Variants in FARS2 observed in about 807,000 individuals in gnomAD.
The protein encoded by FARS2 is phenylalanine--tRNA ligase, mitochondrial.
In FARS2, 40 loss-of-function variants were observed where a neutral mutation model predicts 46.4. That is an observed-to-expected ratio of 0.86 (90% confidence interval 0.67 to 1.12). FARS2 has a LOEUF of 1.12. Ranked by LOEUF, FARS2 falls within the 50% of genes most tolerant of loss-of-function variation. The probability of loss-of-function intolerance (pLI) is 0.00; values close to 1 mark genes in which losing one functional copy is unlikely to be tolerated. For missense variants in FARS2, 513 were observed against 567.9 expected (o/e 0.90, Z 0.98); for synonymous variants, 234 against 214.9 (o/e 1.09, Z -0.78).
At chr6:5,567,651 C>T (rs906013128) in intron 5 of FARS2, among the ~76,000 whole-genome samples, 1 of 152,170 alleles carries the variant, frequency 6.6e-6, no homozygotes, top group Non-Finnish European at 1.5e-5. Flanking sequence ...AAGGTTCAGA[C>T]AATAGATGGA....
At chr6:5,425,391 G>A (rs755649666) in intron 3 of FARS2, among the ~76,000 whole-genome samples, 12 of 152,176 alleles carry the variant, frequency 7.9e-5, no homozygotes, top group Non-Finnish European at 1.5e-4. Flanking sequence ...GGAACGTGAT[G>A]TTTATTCAGA....
At chr6:5,706,315 G>A (rs914510725) in intron 6 of FARS2, among the ~76,000 whole-genome samples, 5 of 152,152 alleles carry the variant, frequency 3.3e-5, no homozygotes, top group African/African-American at 9.7e-5. Flanking sequence ...TCCACAGCCC[G>A]GGGGTGGGGG....
chr6:5,542,138 AC>A (rs1433673055), intron 4 of FARS2, among the ~76,000 whole-genome samples: 1 of 151,958 alleles, frequency 6.6e-6, no homozygotes, highest in East Asian at 1.9e-4. Context: ...GGTTTTTGTG[AC>A]CTGTATCTTG....
chr6:5,598,764 A>G (rs76387204), intron 5 of FARS2, among the ~76,000 whole-genome samples: 4,401 of 152,232 alleles, frequency 0.029, 119 homozygotes, highest in East Asian at 0.13. Context: ...AGACCAGGAC[A>G]TGGGGGTAGG....
At chr6:5,402,281 A>G (rs546089999) in intron 2 of FARS2, among the ~76,000 whole-genome samples, 32 of 144,414 alleles carry the variant, frequency 2.2e-4, no homozygotes, top group African/African-American at 7.5e-4. Flanking sequence ...TTTTGTTCTT[A>G]ATTTTTGAGT....
At chr6:5,503,202 AT>A (rs1254169927) in intron 4 of FARS2, among the ~76,000 whole-genome samples, 3 of 151,202 alleles carry the variant, frequency 2.0e-5, no homozygotes, top group African/African-American at 7.2e-5. Flanking sequence ...ATATAAAAAT[AT>A]TTTAAGAAAA....
In FARS2 at chr6:5,266,237, G is replaced by A. The variant is rs180846129; in HGVS notation, c.-22+4577G>A. ...GGCCAGAGCTGTAGAGTGCATGAGG[G>A]TGAGAACGGGGAGATCCCGTGAAAA... On this transcript the variant is annotated intron_variant, in intron 1 of 6. Coordinates refer to ENST00000274680, the MANE Select transcript of FARS2 (RefSeq NM_006567.5). Among the ~76,000 whole-genome samples the A allele has an allele frequency of 2.5e-3, 377 of 152,344 alleles. 1 individual carries two copies. Among genetic ancestry groups the A allele is most frequent in the Admixed American group, 4.6e-3 (70 of 15,300 alleles).
chr6:5,421,326 A>G (rs1762537068), intron 3 of FARS2, among the ~76,000 whole-genome samples: 1 of 152,208 alleles, frequency 6.6e-6, no homozygotes, highest in African/African-American at 2.4e-5. Context: ...GGCCTGGCTC[A>G]TGAAACCACT....
intron 1 of FARS2, among the ~76,000 whole-genome samples, chr6:5,299,494 C>G (rs117680939): frequency 1.3e-5 from 2 of 152,298 alleles, no homozygotes; most frequent in East Asian, 3.9e-4. Context: ...CTGTCTTGGA[C>G]TGTGGCTTTA....
chr6:5,372,955 T>C (rs1249414505), intron 2 of FARS2, among the ~76,000 whole-genome samples: 2 of 152,144 alleles, frequency 1.3e-5, no homozygotes, highest in African/African-American at 2.4e-5. Flanking sequence ...GTATAGTCTT[T>C]GAATATCCCC....
At chr6:5,398,902 T>G (rs999727679) in intron 2 of FARS2, among the ~76,000 whole-genome samples, 5 of 152,156 alleles carry the variant, frequency 3.3e-5, no homozygotes, top group Non-Finnish European at 5.9e-5. Flanking sequence ...TGTTAACACA[T>G]ACCTCTGTGG....
intron 5 of FARS2, among the ~76,000 whole-genome samples, chr6:5,564,319 C>T (rs191445135): frequency 2.2e-4 from 34 of 152,242 alleles, no homozygotes; most frequent in African/African-American, 6.5e-4. Flanking sequence ...AAGAAACCTC[C>T]GGGTTATGGG....
chr6:5,328,587 C>T (rs1473254548), intron 1 of FARS2, among the ~76,000 whole-genome samples: 1 of 152,064 alleles, frequency 6.6e-6, no homozygotes, highest in Admixed American at 6.6e-5. Flanking sequence ...TCCATCATGT[C>T]TCCGACATCC....
intron 4 of FARS2, among the ~76,000 whole-genome samples, chr6:5,506,665 G>T (rs1049908382): frequency 6.6e-6 from 1 of 152,204 alleles, no homozygotes; most frequent in Non-Finnish European, 1.5e-5. Flanking sequence ...ACACGAAGAT[G>T]CTTGGAGCCT....
At chr6:5,570,366 G>T (rs1286051025) in intron 5 of FARS2, among the ~76,000 whole-genome samples, 7 of 152,182 alleles carry the variant, frequency 4.6e-5, no homozygotes, top group African/African-American at 1.7e-4. Context: ...GAGTATTATG[G>T]TGTGCACTTT....
At chr6:5,642,266 C>T (rs1281248696) in intron 6 of FARS2, among the ~76,000 whole-genome samples, 1 of 152,094 alleles carries the variant, frequency 6.6e-6, no homozygotes, top group Non-Finnish European at 1.5e-5. Flanking sequence ...AGGTTTATTT[C>T]TCTAGGGCAC....
At chr6:5,260,967 C>G, upstream of FARS2, 1 of 1,269,752 alleles carries the variant, frequency 7.9e-7, no homozygotes. Flanking sequence ...GCTAAGGGGG[C>G]GGTGCTGGGA....
chr6:5,691,527 G>A, intron 6 of FARS2, among the ~76,000 whole-genome samples: 1 of 152,186 alleles, frequency 6.6e-6, no homozygotes, highest in Non-Finnish European at 1.5e-5. Flanking sequence ...AGCAAATGTT[G>A]CTGCCTGATC....
intron 6 of FARS2, among the ~76,000 whole-genome samples, chr6:5,637,173 G>A (rs996038247): frequency 6.6e-6 from 1 of 152,220 alleles, no homozygotes; most frequent in Non-Finnish European, 1.5e-5. Context: ...GAGCTGACAG[G>A]GAGCGTTCCA....
Sources: gnomAD v4.1 joint callset for allele counts (sites outside exome capture counted in the v4.1 genomes callset) on GRCh38, gnomAD v4.1.1 for gene constraint, MANE v1.5 for transcripts, NCBI Gene and HGNC (gene_info 2026-07-23, HGNC 2026-07-21) for gene names.